Variants in ANKRD11 observed in about 807,000 individuals in gnomAD.
ANKRD11 encodes the protein ankyrin repeat domain-containing protein 11.
A neutral mutation model predicts 195.7 loss-of-function variants in ANKRD11; 17 were observed. The observed-to-expected ratio is 0.09, with a 90% CI of 0.06 to 0.13. The LOEUF is 0.13. Among genes scored for constraint, ANKRD11 ranks in the 10% least tolerant of loss-of-function variants. ANKRD11 has a pLI of 1.00. For missense variants in ANKRD11, 3,735 were observed against 3,566.1 expected (o/e 1.05, Z -1.21); for synonymous variants, 1,953 against 1,528.1 (o/e 1.28, Z -6.49).
At chr16:89,449,088 C>T (rs2043939128) in intron 1 of ANKRD11, among the ~76,000 whole-genome samples, 1 of 151,450 alleles carries the variant, frequency 6.6e-6, no homozygotes, top group Non-Finnish European at 1.5e-5. Context: ...TGGTGGCTCA[C>T]ACCTGTAATC....
chr16:89,327,301 T>C (rs2037788077), intron 2 of ANKRD11, among the ~76,000 whole-genome samples: 1 of 151,992 alleles, frequency 6.6e-6, no homozygotes, highest in South Asian at 2.1e-4. Flanking sequence ...AACAGGAGTG[T>C]GGAGAAACAT....
intron 2 of ANKRD11, among the ~76,000 whole-genome samples, chr16:89,341,948 A>AGTGCTGCACCTCCACTGCCC (rs2038693785): frequency 1.4e-5 from 2 of 143,846 alleles, no homozygotes; most frequent in African/African-American, 5.4e-5. Flanking sequence ...CTCCTCCACG[A>AGTGCTGCACCTCCACTGCCC]ACAGCAGCCA....
chr16:89,327,938 G>C (rs1186937518), intron 2 of ANKRD11, among the ~76,000 whole-genome samples: 1 of 152,226 alleles, frequency 6.6e-6, no homozygotes, highest in Non-Finnish European at 1.5e-5. Context: ...AGTTTAAAGA[G>C]TGAAAAGACA....
At chr16:89,335,591 T>G (rs981556405) in intron 2 of ANKRD11, among the ~76,000 whole-genome samples, 2 of 152,206 alleles carry the variant, frequency 1.3e-5, no homozygotes, top group Non-Finnish European at 2.9e-5. Flanking sequence ...GACGTCGCTT[T>G]GGCAGGGAAC....
At chr16:89,483,107 T>G (rs1053311366) in intron 1 of ANKRD11, among the ~76,000 whole-genome samples, 1 of 152,164 alleles carries the variant, frequency 6.6e-6, no homozygotes, top group African/African-American at 2.4e-5. Context: ...CCAAGAGCTG[T>G]TCTCTGTCTC....
At chr16:89,449,473 C>T (rs1219247899) in intron 1 of ANKRD11, among the ~76,000 whole-genome samples, 2 of 151,904 alleles carry the variant, frequency 1.3e-5, no homozygotes, top group Non-Finnish European at 2.9e-5. Context: ...ACCCACACAC[C>T]CCTTCCACAT....
Position 89,277,869 on chromosome 16 carries a change from G to A in ANKRD11, c.7470+1203C>T, listed in dbSNP as rs4477704. 431 of 155,770 alleles carry A rather than the reference G, an allele frequency of 2.8e-3. 2 individuals are homozygous for A. The highest frequency in any genetic ancestry group is 9.6e-3 in the African/African-American group (401 of 41,604). The allele number at this position is 155,770 out of a possible 1,614,324, so 9.6% of individuals were successfully genotyped here. The stretch of plus-strand genomic sequence containing the variant: ...CAGCAGACCCCGTCATCCTCACCAG[G>A]GGGGTGCTGGGTAGCTGAGCCAGGT... On this transcript the variant is annotated intron_variant, in intron 9 of 12. Coordinates refer to ENST00000301030, the MANE Select transcript of ANKRD11 (RefSeq NM_013275.6).
intron 1 of ANKRD11, among the ~76,000 whole-genome samples, chr16:89,464,128 A>C (rs2056800845): frequency 6.6e-6 from 1 of 151,780 alleles, no homozygotes; most frequent in African/African-American, 2.4e-5. Flanking sequence ...AGTCCCAGCT[A>C]CTCGGGAGGC....
intron 2 of ANKRD11, among the ~76,000 whole-genome samples, chr16:89,384,539 T>C (rs2040808946): frequency 2.9e-5 from 1 of 34,544 alleles, no homozygotes; most frequent in African/African-American, 1.0e-4. Flanking sequence ...GGGATGGGAC[T>C]GGGATGGGAT....
chr16:89,452,024 C>G lies in ANKRD11; in HGVS notation c.-144-33656G>C, dbSNP rs140273650. Among the ~76,000 whole-genome samples, 1,243 of 152,012 alleles carry G rather than the reference C, an allele frequency of 8.2e-3. 13 individuals carry two copies. The highest frequency in any genetic ancestry group is 0.028 in the African/African-American group (1,156 of 41,452). On this transcript the variant is annotated intron_variant, in intron 1 of 12. Transcript: ENST00000301030. Reference sequence around the variant, plus strand: ...CTATAATCCCAGAACTTTGGGAGGCCGAGGCAGGTGGATCACCTGACCTCA... The same window carrying G: ...CTATAATCCCAGAACTTTGGGAGGCGGAGGCAGGTGGATCACCTGACCTCA...
At chr16:89,396,366 G>A (rs1041961424) in intron 2 of ANKRD11, among the ~76,000 whole-genome samples, 2 of 152,210 alleles carry the variant, frequency 1.3e-5, no homozygotes, top group African/African-American at 2.4e-5. Context: ...ACACACACGC[G>A]ACGGAGCCGC....
intron 2 of ANKRD11, among the ~76,000 whole-genome samples, chr16:89,338,371 C>T (rs935483304): frequency 1.4e-5 from 2 of 146,038 alleles, no homozygotes; most frequent in African/African-American, 5.1e-5. Flanking sequence ...AAAATTGAAA[C>T]ATGGGTTTGA....
intron 9 of ANKRD11, among the ~76,000 whole-genome samples, chr16:89,277,117 C>G (rs1277669610): frequency 6.6e-6 from 1 of 152,120 alleles, no homozygotes; most frequent in Admixed American, 6.5e-5. Context: ...AGACCTCACT[C>G]TGTTCAGCAC....
At chr16:89,278,761 G>C (rs1362022483) in intron 9 of ANKRD11, 1 of 567,606 alleles carries the variant, frequency 1.8e-6, no homozygotes, top group African/African-American at 1.9e-5. Flanking sequence ...GTGGAGAGGG[G>C]AGAGTGAGCG....
Position 89,280,273 on chromosome 16 carries a change from G to C in ANKRD11, c.6269C>G (p.Ala2090Gly), listed in dbSNP as rs776927590. The C allele has an allele frequency of 1.9e-6, 3 of 1,608,678 alleles. No individual in the cohort carries two copies. In the African/African-American group the frequency reaches 4.0e-5, roughly 21 times the overall value. The stretch of plus-strand genomic sequence containing the variant: ...CAGGGGCCCCAGAGCCTCCACCTGA[G>C]CCACAGCGGCTACACAGGCGGGCTC... Reference protein sequence around the residue: ...APEPACVAAVAQVEALGPLEN... With the variant: ...APEPACVAAVGQVEALGPLEN... Residue 2090 changes from alanine (A) to glycine (G), a missense_variant, in exon 9 of 13, where the codon GCT becomes GGT. Ala to Gly is a moderately conservative substitution (Grantham distance 60). Coordinates refer to ENST00000301030, the MANE Select transcript of ANKRD11 (RefSeq NM_013275.6).
At chr16:89,319,859 G>C (rs1474773236) in intron 2 of ANKRD11, 1 of 152,558 alleles carries the variant, frequency 6.6e-6, no homozygotes, top group Non-Finnish European at 1.5e-5. Context: ...CTTTTGTTCT[G>C]TTCCAAGACT....
At chr16:89,403,863 T>G (rs1005326713) in intron 2 of ANKRD11, 5 of 151,980 alleles carry the variant, frequency 3.3e-5, no homozygotes, top group Non-Finnish European at 7.4e-5. Context: ...AGTCCAAGAG[T>G]TGAGGCTGCA....
intron 1 of ANKRD11, among the ~76,000 whole-genome samples, chr16:89,474,898 C>T (rs1297280541): frequency 6.6e-6 from 1 of 152,230 alleles, no homozygotes; most frequent in Non-Finnish European, 1.5e-5. Flanking sequence ...TCTTCAAACG[C>T]AAATTTGTGC....
intron 2 of ANKRD11, 130 bp downstream of exon 2, chr16:89,418,154 T>C: frequency 2.5e-6 from 1 of 401,766 alleles, no homozygotes; most frequent in Non-Finnish European, 5.2e-6. Flanking sequence ...AGAACAAAAT[T>C]CACAACATTT....
Sources: gnomAD v4.1 joint callset for allele counts (sites outside exome capture counted in the v4.1 genomes callset) on GRCh38, gnomAD v4.1.1 for gene constraint, MANE v1.5 for transcripts, NCBI Gene and HGNC (gene_info 2026-07-23, HGNC 2026-07-21) for gene names.